KRT7: variants seen among roughly 807,000 people sequenced by gnomAD.
KRT7 encodes the protein keratin 7.
In KRT7, 50 loss-of-function variants were observed where a neutral mutation model predicts 42.8. That is an observed-to-expected ratio of 1.17 (90% CI 0.93 to 1.48). The LOEUF (loss-of-function observed/expected upper bound fraction) is 1.48. KRT7 is among the 40% of genes most tolerant of loss of function. The probability of loss-of-function intolerance (pLI) is 0.00; values close to 1 mark genes in which losing one functional copy is unlikely to be tolerated. For synonymous variants in KRT7, 268 were observed against 266.3 expected, an observed-to-expected ratio of 1.01 and a Z score of -0.06; for missense variants, 588 against 637.6, an observed-to-expected ratio of 0.92 and a Z score of 0.84.
chr12:52,254,162 GTTT>G (rs971463257), downstream of KRT7: 48 of 490,870 alleles, frequency 9.8e-5, no homozygotes, highest in African/African-American at 9.0e-4. Context: ...CCTGCCTGGG[GTTT>G]CTCCCCTTGT....
At chr12:52,244,494 G>A (rs1942140932) in intron 6 of KRT7, 2 of 985,858 alleles carry the variant, frequency 2.0e-6, no homozygotes, top group Non-Finnish European at 2.4e-6. Flanking sequence ...GACAGGGCAG[G>A]GCACCGAGCT....
intron 4 of KRT7, among the ~76,000 whole-genome samples, chr12:52,240,569 G>T (rs1942073570): frequency 6.6e-6 from 1 of 151,942 alleles, no homozygotes; most frequent in African/African-American, 2.4e-5. Flanking sequence ...GGTGGAGGTT[G>T]CAGTGAGCCA....
In KRT7 at chr12:52,235,257, G is replaced by T. The variant is rs11558306; in HGVS notation, c.427G>T (p.Ala143Ser). 6.2e-7 allele frequency: 1 copy of T among 1,614,186 alleles called. No homozygotes were observed. Among genetic ancestry groups the T allele is most frequent in the South Asian group, 1.1e-5 (1 of 91,080 alleles). The change falls in exon 2 of 9, where the codon GCC becomes TCC. Residue 143 changes from alanine (A) to serine (S), a missense_variant. Ala to Ser is a moderately conservative substitution (Grantham distance 99). Coordinates refer to ENST00000331817, the MANE Select transcript of KRT7 (RefSeq NM_005556.4). Reference sequence around the variant, plus strand: ...CAGCCGCCTCCCAGACATCTTTGAGGCCCAGATTGCTGGCCTTCGGGGTCA... The same window carrying T: ...CAGCCGCCTCCCAGACATCTTTGAGTCCCAGATTGCTGGCCTTCGGGGTCA... ...KSSRLPDIFEAQIAGLRGQLE... is the reference protein window; with the variant it reads ...KSSRLPDIFESQIAGLRGQLE...
rs773679637 is a variant in KRT7 at position 52,243,095 on chromosome 12, C to T, written c.942C>T (p.Ala314=). 5 of 1,613,658 alleles carry T rather than the reference C, an allele frequency of 3.1e-6. No homozygotes were observed. The highest frequency in any genetic ancestry group is 1.3e-5 in the African/African-American group (1 of 74,878). Reference sequence around the variant, plus strand: ...ATGAGATTTCAGAGATGAACCGGGCCATCCAGAGGCTGCAGGCTGAGATCG... The same window carrying T: ...ATGAGATTTCAGAGATGAACCGGGCTATCCAGAGGCTGCAGGCTGAGATCG... ...TRNEISEMNR[A]IQRLQAEIDN... is the part of the protein sequence containing the mutation. Residue 314 remains alanine, a synonymous_variant, in exon 6 of 9, where the codon GCC becomes GCT. Coordinates refer to ENST00000331817, the MANE Select transcript of KRT7 (RefSeq NM_005556.4).
intron 6 of KRT7, chr12:52,245,065 T>G: frequency 2.8e-6 from 1 of 354,808 alleles, no homozygotes. Context: ...ACAATAGCAT[T>G]TATTAAGCAC....
chr12:52,237,876 C>T (rs1451358504), intron 3 of KRT7, among the ~76,000 whole-genome samples: 3 of 152,172 alleles, frequency 2.0e-5, no homozygotes, highest in African/African-American at 7.2e-5. Context: ...CAAGCCAGAA[C>T]ATTTTCATCA....
downstream of KRT7, chr12:52,255,369 T>G (rs1262137940): frequency 2.2e-6 from 1 of 456,668 alleles, no homozygotes; most frequent in Non-Finnish European, 4.4e-6. Context: ...GGCCACAAAT[T>G]CATTCTCAGC....
chr12:52,238,169 A>G (rs535704401), intron 3 of KRT7, among the ~76,000 whole-genome samples: 1 of 152,316 alleles, frequency 6.6e-6, no homozygotes, highest in South Asian at 2.1e-4. Context: ...AGCTTGAGAA[A>G]GTGCAGCTGG....
chr12:52,240,358 G>C (rs1396970513), intron 4 of KRT7, among the ~76,000 whole-genome samples: 2 of 152,194 alleles, frequency 1.3e-5, no homozygotes, highest in Non-Finnish European at 2.9e-5. Flanking sequence ...GGCCAGGCGT[G>C]GTGGCTCATG....
At chr12:52,240,551 A>C (rs1942073408) in intron 4 of KRT7, among the ~76,000 whole-genome samples, 1 of 151,878 alleles carries the variant, frequency 6.6e-6, no homozygotes, top group South Asian at 2.1e-4. Context: ...AACTGGTTGA[A>C]CCTGGAAGGT....
Position 52,242,997 on chromosome 12 carries a change from G to A in KRT7, c.859-15G>A. The A allele has an allele frequency of 6.2e-7, 1 of 1,608,102 alleles. No homozygotes were observed. The highest frequency in any genetic ancestry group is 1.1e-5 in the South Asian group (1 of 89,910). ...GCCCATCTCTCTGCCATAACTCTCT[G>A]TATGGCCCCTCCAGTTTGAGACCCT... On this transcript the variant is annotated splice_polypyrimidine_tract_variant and intron_variant, in intron 5 of 8. Transcript: ENST00000331817.
chr12:52,243,491 C>G (rs1460736933), intron 6 of KRT7: 1 of 214,010 alleles, frequency 4.7e-6, no homozygotes, highest in Non-Finnish European at 9.2e-6. Context: ...GGACAGAGGA[C>G]AGCAGAAGAC....
At chr12:52,237,406 T>C in intron 2 of KRT7, 103 bp from the exon 3 acceptor site, 1 of 783,100 alleles carries the variant, frequency 1.3e-6, no homozygotes, top group South Asian at 2.0e-5. Context: ...CTTTAAAGAG[T>C]AGGGGAAGGG....
chr12:52,244,695 G>C (rs555704857), intron 6 of KRT7: 26 of 948,704 alleles, frequency 2.7e-5, no homozygotes, highest in Admixed American at 1.8e-4. Context: ...GACTATTCAG[G>C]CTCCTGGCAG....
chr12:52,238,766 C>T lies in KRT7; in HGVS notation c.684C>T (p.Leu228=), dbSNP rs1942043578. Residue 228 remains leucine, a synonymous_variant, in exon 4 of 9, where the codon CTC becomes CTT. Coordinates refer to ENST00000331817, the MANE Select transcript of KRT7 (RefSeq NM_005556.4). ...ATGAGATCAACTTCCTCAGGACCCT[C>T]AATGAGACGGTGAGGACCATGGAGC... ...LNDEINFLRT[L]NETELTELQS... 1 of 1,604,988 alleles carries T rather than the reference C, an allele frequency of 6.2e-7. No homozygotes were observed. The highest frequency in any genetic ancestry group is 8.5e-7 in the Non-Finnish European group (1 of 1,171,650).
chr12:52,242,217 C>A (rs1942102913), intron 5 of KRT7, among the ~76,000 whole-genome samples: 1 of 152,200 alleles, frequency 6.6e-6, no homozygotes. Flanking sequence ...AGGTGATCCA[C>A]CTGCCTCGGC....
intron 4 of KRT7, among the ~76,000 whole-genome samples, chr12:52,240,355 C>A (rs542340308): frequency 3.3e-5 from 5 of 152,214 alleles, no homozygotes; most frequent in African/African-American, 1.2e-4. Flanking sequence ...CTTGGCCAGG[C>A]GTGGTGGCTC....
At chr12:52,253,321 G>T (rs1942295937), downstream of KRT7, 3 of 1,612,746 alleles carry the variant, frequency 1.9e-6, no homozygotes, top group South Asian at 3.3e-5. Context: ...TGATCACCGT[G>T]GCCTTCATCT....
intron 3 of KRT7, 29 bp downstream of exon 3, chr12:52,237,598 GT>G: frequency 6.7e-7 from 1 of 1,496,908 alleles, no homozygotes; most frequent in South Asian, 1.2e-5. Flanking sequence ...CTCGAGGAGG[GT>G]TGTCTGAAAA....
Sources: gnomAD v4.1 joint callset for allele counts (sites outside exome capture counted in the v4.1 genomes callset) on GRCh38, gnomAD v4.1.1 for gene constraint, MANE v1.5 for transcripts, NCBI Gene and HGNC (gene_info 2026-07-23, HGNC 2026-07-21) for gene names.